The following NPRL3 variants were observed in gnomAD, a reference collection of about 807,000 sequenced individuals.
The protein encoded by NPRL3 is NPR3 like, GATOR1 complex subunit.
A neutral mutation model predicts 57.2 loss-of-function variants in NPRL3; 23 were observed. The ratio of observed to expected loss-of-function variants is 0.40; its 90% CI spans 0.29 to 0.57. The LOEUF (loss-of-function observed/expected upper bound fraction) is 0.57. Among genes scored for constraint, NPRL3 ranks in the 20% least tolerant of loss-of-function variants. The pLI is 0.42. For missense variants in NPRL3, 691 were observed against 767.1 expected (o/e 0.90, Z 1.17); for synonymous variants, 333 against 321.1 (o/e 1.04, Z -0.39).
intron 7 of NPRL3, among the ~76,000 whole-genome samples, chr16:110,275 A>G (rs1462255572): frequency 6.6e-6 from 1 of 151,770 alleles, no homozygotes; most frequent in East Asian, 1.9e-4. Context: ...ATCTCAAAAA[A>G]AAGAAATAAA....
Position 119,214 on chromosome 16 carries a change from G to A in NPRL3, c.230C>T (p.Ser77Phe). 1 of 1,611,434 alleles carries A rather than the reference G, an allele frequency of 6.2e-7. No individual in the cohort carries two copies. The highest frequency in any genetic ancestry group is 2.2e-5 in the East Asian group (1 of 44,824). The change falls in exon 4 of 14, where the codon TCT becomes TTT. Residue 77 changes from serine to phenylalanine, a missense_variant. Transcript: ENST00000611875. ...VILATILATK[S>F]EMCGQKFELK... ...TTCAAATTTTTGGCCACACATTTCA[G>A]ACTTGGTTGCCAAAATTGTTGCCAG...
At chr16:96,648 C>CA (rs68086908) in intron 9 of NPRL3, among the ~76,000 whole-genome samples, 71,537 of 100,814 alleles carry the variant, frequency 0.71, 26,458 homozygotes, top group South Asian at 0.85. Flanking sequence ...CCGTCTCTAC[C>CA]AAAAAAAAAA....
At chr16:120,184 C>T (rs1434724682) in intron 3 of NPRL3, among the ~76,000 whole-genome samples, 1 of 152,192 alleles carries the variant, frequency 6.6e-6, no homozygotes, top group East Asian at 1.9e-4. Flanking sequence ...AAGTCCCATA[C>T]ATATCTCTCC....
intron 3 of NPRL3, among the ~76,000 whole-genome samples, chr16:122,985 A>T (rs574793446): frequency 5.7e-4 from 87 of 152,344 alleles, no homozygotes; most frequent in African/African-American, 2.1e-3. Context: ...GACAAGCACC[A>T]TATCAATTCC....
chr16:120,647 T>C lies in NPRL3; in HGVS notation c.189-1392A>G, dbSNP rs139889788. On this transcript the variant is annotated intron_variant, in intron 3 of 13. Coordinates refer to ENST00000611875, the MANE Select transcript of NPRL3 (RefSeq NM_001077350.3). Reference sequence around the variant, plus strand: ...CAAACCTATTTGTGCCATTTGGAAATAGCCTCTCAACCCAGTCAGGTTGCA... The same window carrying C: ...CAAACCTATTTGTGCCATTTGGAAACAGCCTCTCAACCCAGTCAGGTTGCA... 1.5e-3 allele frequency among the ~76,000 whole-genome samples: 234 copies of C among 152,244 alleles called. 3 individuals are homozygous for C. The highest frequency in any genetic ancestry group is 5.4e-3 in the African/African-American group (226 of 41,552).
At chr16:121,786 CT>C (rs1414263369) in intron 3 of NPRL3, among the ~76,000 whole-genome samples, 1 of 151,528 alleles carries the variant, frequency 6.6e-6, no homozygotes, top group Non-Finnish European at 1.5e-5. Flanking sequence ...GCTTTTTTTT[CT>C]TTTTGAGACG....
intron 2 of NPRL3, among the ~76,000 whole-genome samples, chr16:134,937 G>T (rs960679952): frequency 6.6e-6 from 1 of 151,606 alleles, no homozygotes; most frequent in Admixed American, 6.6e-5. Flanking sequence ...TCCTGACCTC[G>T]TGATCCGCCC....
chr16:138,271 G>A lies in NPRL3; in HGVS notation c.-4C>T. The A allele has an allele frequency of 6.3e-7, 1 of 1,592,416 alleles. No individual in the cohort carries two copies. Among genetic ancestry groups the A allele is most frequent in the East Asian group, 2.3e-5 (1 of 43,856 alleles). ...TGGGGCTGGTGTTGTCCCGCATCCCGCCGTGGGGCCGGGGCCGGGGGCGGA... is the reference window on the plus strand; with the variant it reads ...TGGGGCTGGTGTTGTCCCGCATCCCACCGTGGGGCCGGGGCCGGGGGCGGA... On this transcript the variant is annotated 5_prime_UTR_variant, in exon 2 of 14. Transcript: ENST00000611875.
intron 7 of NPRL3, among the ~76,000 whole-genome samples, chr16:107,722 C>T (rs1021619955): frequency 2.0e-5 from 3 of 152,132 alleles, no homozygotes; most frequent in Non-Finnish European, 4.4e-5. Context: ...GCTACTCAGA[C>T]ACCAGCATAG....
At chr16:136,725 G>C (rs1199447747) in intron 2 of NPRL3, among the ~76,000 whole-genome samples, 1 of 150,960 alleles carries the variant, frequency 6.6e-6, no homozygotes, top group African/African-American at 2.4e-5. Flanking sequence ...ACATACGCCT[G>C]TATTGACACA....
intron 11 of NPRL3, chr16:91,030 A>G (rs1005763622): frequency 6.6e-6 from 1 of 151,926 alleles, no homozygotes; most frequent in African/African-American, 2.4e-5. Context: ...CAGTGAGCCA[A>G]GATCACGCCA....
chr16:129,092 T>C (rs1443729687), intron 3 of NPRL3, among the ~76,000 whole-genome samples: 1 of 152,138 alleles, frequency 6.6e-6, no homozygotes, highest in Admixed American at 6.5e-5. Flanking sequence ...CCCTAGAAAA[T>C]ATCCTCATGG....
In NPRL3 at chr16:86,594, G is replaced by T; in HGVS notation, c.*111C>A. On this transcript the variant is annotated 3_prime_UTR_variant, in exon 14 of 14. Coordinates refer to ENST00000611875, the MANE Select transcript of NPRL3 (RefSeq NM_001077350.3). ...CACGGCCAGCCCGCATCCACCCAAT[G>T]CCAGGCCTCAGGGCCAAGAGGGCTC... 8.8e-7 allele frequency: 1 copy of T among 1,140,878 alleles called. No homozygotes were observed. The highest frequency in any genetic ancestry group is 1.2e-6 in the Non-Finnish European group (1 of 820,712). The allele number at this position is 1,140,878 out of a possible 1,614,324, so 70.7% of individuals were successfully genotyped here. A position where few individuals can be genotyped will look rare whatever the true frequency, so the allele number is the denominator to read the frequency against.
intron 7 of NPRL3, among the ~76,000 whole-genome samples, chr16:107,505 A>G (rs1239586471): frequency 1.3e-5 from 2 of 150,894 alleles, no homozygotes; most frequent in Non-Finnish European, 2.9e-5. Context: ...TTAGCCAGGC[A>G]TGGTGATGTG....
rs1224996627 is a variant in NPRL3 at position 125,473 on chromosome 16, C to G, written c.188+5049G>C. Among the ~76,000 whole-genome samples the G allele has an allele frequency of 2.0e-5, 3 of 152,226 alleles. No homozygotes were observed. The East Asian group carries it at 5.8e-4, about 29-fold the overall frequency. On this transcript the variant is annotated intron_variant, in intron 3 of 13. Transcript: ENST00000611875. Reference sequence around the variant, plus strand: ...TTTCCTGACAGGAGCATTTTACAGACTTGCGTCTGCCCCTCTGAGGGAGGC... The same window carrying G: ...TTTCCTGACAGGAGCATTTTACAGAGTTGCGTCTGCCCCTCTGAGGGAGGC...
chr16:135,192 C>A (rs979830481), intron 2 of NPRL3, among the ~76,000 whole-genome samples: 1 of 152,116 alleles, frequency 6.6e-6, no homozygotes, highest in Admixed American at 6.6e-5. Context: ...ATTATGTTGG[C>A]CCAATCAATC....
At chr16:113,900 G>A (rs755901324) in intron 5 of NPRL3, among the ~76,000 whole-genome samples, 4 of 152,198 alleles carry the variant, frequency 2.6e-5, no homozygotes, top group Non-Finnish European at 4.4e-5. Context: ...ACACCTGGAT[G>A]GACTTACAAC....
At chr16:94,363 C>G (rs796620394) in intron 9 of NPRL3, among the ~76,000 whole-genome samples, 1 of 152,244 alleles carries the variant, frequency 6.6e-6, no homozygotes, top group Non-Finnish European at 1.5e-5. Flanking sequence ...CCACTCCACC[C>G]TCTTGGCGGG....
chr16:100,970 C>CAAAAA lies in NPRL3; in HGVS notation c.630-466_630-462dup, dbSNP rs59640237. Among the ~76,000 whole-genome samples the CAAAAA allele has an allele frequency of 6.9e-4, 25 of 36,116 alleles. 3 individuals are homozygous for CAAAAA. Among genetic ancestry groups the CAAAAA allele is most frequent in the African/African-American group, 2.7e-3 (20 of 7,522 alleles). The allele number at this position is 36,116 out of a possible 152,430, so 23.7% of individuals were successfully genotyped here. On this transcript the variant is annotated intron_variant, in intron 7 of 13. Transcript: ENST00000611875. ...TGGGCAACAAGGCAAGACTCTGTCTCAAAAAAAAAAAAAAAAAAAAGGAAG... is the reference window on the plus strand; with the variant it reads ...TGGGCAACAAGGCAAGACTCTGTCTCAAAAAAAAAAAAAAAAAAAAAAAAAGGAAG...
Sources: gnomAD v4.1 joint callset for allele counts (sites outside exome capture counted in the v4.1 genomes callset) on GRCh38, gnomAD v4.1.1 for gene constraint, MANE v1.5 for transcripts, NCBI Gene and HGNC (gene_info 2026-07-23, HGNC 2026-07-21) for gene names.